The following FLRT1 variants were observed in gnomAD, a reference collection of about 807,000 sequenced individuals.
The protein encoded by FLRT1 is fibronectin leucine rich transmembrane protein 1, also known as leucine-rich repeat transmembrane protein FLRT1.
A neutral mutation model predicts 30.9 loss-of-function variants in FLRT1; 14 were observed. The ratio of observed to expected loss-of-function variants is 0.45; its 90% CI spans 0.30 to 0.71. The LOEUF is 0.71. FLRT1 is among the 30% of genes least tolerant of loss of function. FLRT1 has a pLI of 0.08. For missense variants in FLRT1, 737 were observed against 949.2 expected (o/e 0.78, Z 2.94); for synonymous variants, 368 against 430.4 (o/e 0.85, Z 1.80).
At position 64,082,924 on chromosome 11, in the gene FLRT1, CCT is replaced by C. The variant is rs1371817918; in HGVS notation, c.-1037-20263_-1037-20262del. On this transcript the variant is annotated intron_variant, in intron 1 of 2. Transcript: ENST00000682287. The surrounding 1 kb of genome is among the most constrained non-coding windows in gnomAD (Gnocchi z 4.5). ...CTGCCCTCATCTGTCCCTGCCCTGACCTCTCTCTGCCTTCCTTCCTCGTCACA... is the reference window on the plus strand; with the variant it reads ...CTGCCCTCATCTGTCCCTGCCCTGACCTCTCTGCCTTCCTTCCTCGTCACA... 6.6e-6 allele frequency: 1 copy of C among 152,634 alleles called. No homozygotes were observed. The highest frequency in any genetic ancestry group is 1.5e-5 in the Non-Finnish European group (1 of 68,284). The allele number at this position is 152,634 out of a possible 1,614,324, so 9.5% of individuals were successfully genotyped here. A position where few individuals can be genotyped will look rare whatever the true frequency, so the allele number is the denominator to read the frequency against.
intron 1 of FLRT1, among the ~76,000 whole-genome samples, chr11:64,055,652 A>G (rs1210766522): frequency 6.6e-6 from 1 of 152,158 alleles, no homozygotes; most frequent in African/African-American, 2.4e-5. Context: ...CGGGGCCTGC[A>G]TGTTAGACCA....
intron 2 of FLRT1, among the ~76,000 whole-genome samples, chr11:64,107,647 T>A (rs1944787127): frequency 6.6e-6 from 1 of 152,224 alleles, no homozygotes; most frequent in South Asian, 2.1e-4. Flanking sequence ...CCAGCCCCCA[T>A]GCATCACAAG....
At chr11:64,116,092 C>T in intron 2 of FLRT1, 127 bp from the exon 3 acceptor site, 2 of 956,854 alleles carry the variant, frequency 2.1e-6, no homozygotes, top group Admixed American at 5.9e-5. Context: ...AGCTTGACCT[C>T]ACCCCGCAGG....
At chr11:64,065,122 G>A (rs1943973018) in intron 1 of FLRT1, among the ~76,000 whole-genome samples, 1 of 152,224 alleles carries the variant, frequency 6.6e-6, no homozygotes, top group South Asian at 2.1e-4. Context: ...AGAGGAGAAC[G>A]GGCTACACGT....
At chr11:64,087,315 A>G (rs143725700) in intron 1 of FLRT1, 1,775 of 152,422 alleles carry the variant, frequency 0.012, 35 homozygotes, top group African/African-American at 0.04. Context: ...ATGTGGGAAC[A>G]GGGTCCGCCA....
intron 1 of FLRT1, among the ~76,000 whole-genome samples, chr11:64,069,179 A>G (rs890930494): frequency 3.9e-5 from 6 of 152,100 alleles, no homozygotes; most frequent in South Asian, 2.1e-4. Flanking sequence ...AGGTGCGGGG[A>G]GCAGAGCAGG....
intron 1 of FLRT1, among the ~76,000 whole-genome samples, chr11:64,092,549 A>G (rs963454123): frequency 6.6e-6 from 1 of 152,226 alleles, no homozygotes; most frequent in African/African-American, 2.4e-5. Flanking sequence ...GCGTGTGGTC[A>G]TGACACGTGC....
At chr11:64,048,433 G>A (rs1943627330) in intron 1 of FLRT1, among the ~76,000 whole-genome samples, 1 of 152,204 alleles carries the variant, frequency 6.6e-6, no homozygotes, top group Admixed American at 6.5e-5. Context: ...CGTTGGCCTG[G>A]GACGGGTGTG....
At position 64,116,610 on chromosome 11, in the gene FLRT1, G is replaced by A. The variant is rs867402073; in HGVS notation, c.343G>A (p.Glu115Lys). The A allele has an allele frequency of 3.1e-6, 5 of 1,614,048 alleles. No individual in the cohort carries two copies. Among genetic ancestry groups the A allele is most frequent in the Admixed American group, 1.7e-5 (1 of 60,000 alleles). Residue 115 changes from glutamate (E) to lysine (K), a missense_variant, in exon 3 of 3, where the codon GAG becomes AAG. Physicochemically the swap from Glu to Lys is moderately conservative, Grantham distance 56. Coordinates refer to ENST00000682287, the MANE Select transcript of FLRT1 (RefSeq NM_013280.5). The stretch of plus-strand genomic sequence containing the variant: ...CAACGTGCAGGTCATCTACCTATAC[G>A]AGAATGACCTGGATGAGTTCCCCAT... ...KVNVQVIYLYENDLDEFPINL... is the reference protein window; with the variant it reads ...KVNVQVIYLYKNDLDEFPINL...
At chr11:64,058,704 C>T (rs953715121) in intron 1 of FLRT1, among the ~76,000 whole-genome samples, 4 of 152,264 alleles carry the variant, frequency 2.6e-5, no homozygotes, top group Admixed American at 2.0e-4. Context: ...ATTTCCTGCT[C>T]CCTGGCCAGC....
intron 2 of FLRT1, among the ~76,000 whole-genome samples, chr11:64,113,877 TG>T (rs1944912689): frequency 7.0e-6 from 1 of 142,876 alleles, no homozygotes. Context: ...GATACATGGA[TG>T]GATGGATGGA....
At chr11:64,059,098 T>C (rs948815244) in intron 1 of FLRT1, among the ~76,000 whole-genome samples, 5 of 152,188 alleles carry the variant, frequency 3.3e-5, no homozygotes, top group African/African-American at 4.8e-5. Flanking sequence ...ACATGGAAAT[T>C]TGACCAGTGC....
At chr11:64,092,118 C>G (rs1445131406) in intron 1 of FLRT1, among the ~76,000 whole-genome samples, 3 of 152,224 alleles carry the variant, frequency 2.0e-5, no homozygotes, top group African/African-American at 7.2e-5. Context: ...TTCCTGGCCT[C>G]CAAGCTTGGC....
intron 1 of FLRT1, among the ~76,000 whole-genome samples, chr11:64,083,224 T>G (rs1944334003): frequency 6.6e-6 from 1 of 152,080 alleles, no homozygotes; most frequent in African/African-American, 2.4e-5. Flanking sequence ...TTGCCTGAGC[T>G]CAGGAGTTCG....
intron 2 of FLRT1, among the ~76,000 whole-genome samples, chr11:64,105,042 G>A (rs1944734676): frequency 1.3e-5 from 2 of 152,240 alleles, no homozygotes. Flanking sequence ...TTGCACCAGG[G>A]CCTGGGACAT....
At chr11:64,066,703 G>C (rs1344971918) in intron 1 of FLRT1, among the ~76,000 whole-genome samples, 1 of 151,884 alleles carries the variant, frequency 6.6e-6, no homozygotes, top group Non-Finnish European at 1.5e-5. Context: ...TGCCTGCAAG[G>C]TGGGAATACG....
intron 2 of FLRT1, among the ~76,000 whole-genome samples, chr11:64,109,829 C>T (rs984659475): frequency 5.3e-5 from 8 of 152,076 alleles, no homozygotes; most frequent in African/African-American, 1.7e-4. Context: ...GGGGCAACAC[C>T]TCAGCTTCAC....
chr11:64,116,245 C>A lies in FLRT1; in HGVS notation c.-23C>A. On this transcript the variant is annotated 5_prime_UTR_variant, in exon 3 of 3. Coordinates refer to ENST00000682287, the MANE Select transcript of FLRT1 (RefSeq NM_013280.5). ...TATTCAGGCTCCAGGCCAGGTGGGG[C>A]CGGACGCCCCCAGCCATCCACCATG... 1 of 1,580,792 alleles carries A rather than the reference C, an allele frequency of 6.3e-7. No homozygotes were observed. Among genetic ancestry groups the A allele is most frequent in the Non-Finnish European group, 8.6e-7 (1 of 1,168,292 alleles).
intron 1 of FLRT1, among the ~76,000 whole-genome samples, chr11:64,078,526 C>T (rs576535158): frequency 2.0e-5 from 3 of 152,310 alleles, no homozygotes; most frequent in African/African-American, 7.2e-5. Flanking sequence ...GGAGGGATAC[C>T]CGGGAGGGGA....
Sources: allele counts gnomAD v4.1 joint callset (sites outside exome capture counted in the v4.1 genomes callset), GRCh38; gene constraint gnomAD v4.1.1; non-coding constraint Gnocchi (gnomAD v3.1); transcripts MANE v1.5; gene names NCBI Gene and HGNC (gene_info 2026-07-23, HGNC 2026-07-21).